Variants in GALM observed in about 807,000 individuals in gnomAD.
GALM encodes aldose 1-epimerase.
GALM carries 43 observed loss-of-function variants against 37.4 expected under a neutral mutation model. The ratio of observed to expected loss-of-function variants is 1.15; its 90% confidence interval spans 0.90 to 1.48. The LOEUF is 1.48. Among genes scored for constraint, GALM ranks in the 40% most tolerant of loss-of-function variants. The pLI is 0.00. For synonymous variants in GALM, 199 were observed against 170.6 expected, an observed-to-expected ratio of 1.17 and a Z score of -1.30; for missense variants, 456 against 419.1, an observed-to-expected ratio of 1.09 and a Z score of -0.77.
At chr2:38,712,401 A>G (rs142140326) in intron 4 of GALM, among the ~76,000 whole-genome samples, 273 of 152,236 alleles carry the variant, frequency 1.8e-3, no homozygotes, top group Middle Eastern at 6.8e-3. Context: ...TTTGTATTTG[A>G]ACATATTTGT....
chr2:38,732,446 G>T lies in GALM; in HGVS notation c.951+537G>T, dbSNP rs569658991. On this transcript the variant is annotated intron_variant, in intron 6 of 6. Transcript: ENST00000272252. The stretch of plus-strand genomic sequence containing the variant: ...GGATTTACATGGTTTTAAGAAAGCT[G>T]AAATTTTGTACCTTCAAAGCCTTTA... Among the ~76,000 whole-genome samples, 10 of 152,342 alleles carry T rather than the reference G, an allele frequency of 6.6e-5. No homozygotes were observed. The South Asian group carries it at 2.1e-3, about 32-fold the overall frequency.
intron 4 of GALM, chr2:38,698,303 C>T: frequency 3.8e-6 from 3 of 799,586 alleles, no homozygotes; most frequent in South Asian, 1.5e-5. Context: ...ACTTAGGAGT[C>T]AGCAGTGGTG....
chr2:38,704,675 TA>T lies in GALM; in HGVS notation c.634+14794del, dbSNP rs533221498. 4.2e-3 allele frequency among the ~76,000 whole-genome samples: 590 copies of T among 139,848 alleles called. 2 individuals carry two copies. Among genetic ancestry groups the T allele is most frequent in the South Asian group, 6.5e-3 (29 of 4,436 alleles). The allele number at this position is 139,848 out of a possible 152,430, so 91.7% of individuals were successfully genotyped here. Reference sequence around the variant, plus strand: ...TGACACGGCAAGACTCTGTCTCCATTAAAAAAAAAAAAAGTAAGGCTACAGA... The same window carrying T: ...TGACACGGCAAGACTCTGTCTCCATTAAAAAAAAAAAAGTAAGGCTACAGA... On this transcript the variant is annotated intron_variant, in intron 4 of 6. Transcript: ENST00000272252.
At chr2:38,726,169 T>C (rs918259777) in intron 4 of GALM, among the ~76,000 whole-genome samples, 5 of 152,112 alleles carry the variant, frequency 3.3e-5, no homozygotes, top group African/African-American at 1.2e-4. Flanking sequence ...AGCAACCTCT[T>C]TCTATTGTGT....
chr2:38,707,473 G>C (rs961308576), intron 4 of GALM, among the ~76,000 whole-genome samples: 1 of 152,174 alleles, frequency 6.6e-6, no homozygotes, highest in East Asian at 1.9e-4. Context: ...TAGAAGTCTT[G>C]GAGTGACCAA....
intron 3 of GALM, among the ~76,000 whole-genome samples, chr2:38,689,314 C>T (rs1395282328): frequency 2.6e-5 from 4 of 152,144 alleles, no homozygotes; most frequent in East Asian, 1.9e-4. Flanking sequence ...GCAGGGACTG[C>T]GGTTCTGACA....
Position 38,689,880 on chromosome 2 carries a change from C to G in GALM, c.620C>G (p.Thr207Ser), listed in dbSNP as rs754954515. 2 of 1,604,810 alleles carry G rather than the reference C, an allele frequency of 1.2e-6. No homozygotes were observed. Among genetic ancestry groups the G allele is most frequent in the Non-Finnish European group, 1.7e-6 (2 of 1,172,238 alleles). ...EADTYLPVDE[T>S]LIPTGEVAPV... is the part of the protein sequence containing the mutation. ...GATACTTATTTGCCTGTGGATGAAACCCTGATTCCTACAGGTTGGTGAATT... is the reference window on the plus strand; with the variant it reads ...GATACTTATTTGCCTGTGGATGAAAGCCTGATTCCTACAGGTTGGTGAATT... Residue 207 changes from threonine to serine, a missense_variant, in exon 4 of 7, where the codon ACC (threonine) becomes AGC (serine). Coordinates refer to ENST00000272252, the MANE Select transcript of GALM (RefSeq NM_138801.3).
At chr2:38,732,120 G>A (rs975685635) in intron 6 of GALM, among the ~76,000 whole-genome samples, 4 of 152,214 alleles carry the variant, frequency 2.6e-5, no homozygotes, top group Admixed American at 6.5e-5. Context: ...TCCTGGGCAC[G>A]ATCTCAGCTC....
At chr2:38,719,417 C>T (rs934677604) in intron 4 of GALM, among the ~76,000 whole-genome samples, 5 of 148,888 alleles carry the variant, frequency 3.4e-5, no homozygotes, top group Non-Finnish European at 5.9e-5. Flanking sequence ...TGCAGTGGGC[C>T]GAGATCACGC....
intron 2 of GALM, chr2:38,680,145 AG>A (rs1386622746): frequency 2.3e-6 from 1 of 436,924 alleles, no homozygotes; most frequent in African/African-American, 2.1e-5. Flanking sequence ...CAGCCTCCCG[AG>A]TAGCTAGGAC....
At chr2:38,681,100 A>G (rs1201392826) in intron 2 of GALM, among the ~76,000 whole-genome samples, 180 bp from the exon 3 acceptor site, 1 of 151,800 alleles carries the variant, frequency 6.6e-6, no homozygotes, top group East Asian at 1.9e-4. Context: ...ACTGCACTGC[A>G]GCCTGGACAA....
At chr2:38,718,196 C>CTTTTTTTTTTTTT (rs3059479) in intron 4 of GALM, among the ~76,000 whole-genome samples, 21 of 131,280 alleles carry the variant, frequency 1.6e-4, no homozygotes, top group African/African-American at 2.6e-4. Flanking sequence ...TTTTTCTTTT[C>CTTTTTTTTTTTTT]TTTTTTTTTT....
rs536534367 is a variant in GALM, at chr2:38,701,919, C to T, written c.634+12025C>T. Among the ~76,000 whole-genome samples, 8 of 152,302 alleles carry T rather than the reference C, an allele frequency of 5.3e-5. No homozygotes were observed. The South Asian group carries it at 1.7e-3, about 32-fold the overall frequency. ...TATTGGACATATTTGTTTCAAGCAT[C>T]TGTCAGTATCCTTACTCTTTCCATT... On this transcript the variant is annotated intron_variant, in intron 4 of 6. Coordinates refer to ENST00000272252, the MANE Select transcript of GALM (RefSeq NM_138801.3).
intron 4 of GALM, among the ~76,000 whole-genome samples, chr2:38,702,028 T>G (rs750361975): frequency 9.2e-5 from 14 of 152,156 alleles, no homozygotes; most frequent in Non-Finnish European, 1.9e-4. Context: ...CCTCAGTATG[T>G]ATTGTTGGTT....
chr2:38,723,156 T>G (rs1482089959), intron 4 of GALM, among the ~76,000 whole-genome samples: 1 of 152,212 alleles, frequency 6.6e-6, no homozygotes, highest in Middle Eastern at 3.2e-3. Flanking sequence ...CTTTAGGACC[T>G]CACTTTCCTT....
At chr2:38,693,816 C>T (rs1322857769) in intron 4 of GALM, among the ~76,000 whole-genome samples, 3 of 152,148 alleles carry the variant, frequency 2.0e-5, no homozygotes, top group Non-Finnish European at 4.4e-5. Flanking sequence ...GGGATTCACA[C>T]CAAGGTAGTC....
chr2:38,708,111 T>TAAAA (rs1553383346), intron 4 of GALM, among the ~76,000 whole-genome samples: 31,634 of 135,626 alleles, frequency 0.23, 4,390 homozygotes, highest in Non-Finnish European at 0.29. Context: ...TGTATCAAAA[T>TAAAA]TAAAATAAAA....
At chr2:38,697,286 T>G (rs187623961) in intron 4 of GALM, among the ~76,000 whole-genome samples, 49 of 152,296 alleles carry the variant, frequency 3.2e-4, no homozygotes, top group Non-Finnish European at 5.4e-4. Flanking sequence ...TGTGACAAAT[T>G]ACACAGCTTC....
intron 3 of GALM, among the ~76,000 whole-genome samples, chr2:38,683,463 T>G (rs1665446722): frequency 6.6e-6 from 1 of 152,196 alleles, no homozygotes; most frequent in Non-Finnish European, 1.5e-5. Context: ...TGTTCAGCAT[T>G]CCTAATCTGA....
Sources: allele counts gnomAD v4.1 joint callset (sites outside exome capture counted in the v4.1 genomes callset), GRCh38; gene constraint gnomAD v4.1.1; transcripts MANE v1.5; gene names NCBI Gene and HGNC (gene_info 2026-07-23, HGNC 2026-07-21).